Variants in KCNH5 observed in about 807,000 individuals in gnomAD.
KCNH5 encodes voltage-gated delayed rectifier potassium channel KCNH5.
In KCNH5, 46 loss-of-function variants were observed where a neutral mutation model predicts 96.1. That is an observed-to-expected ratio of 0.48 (90% CI 0.38 to 0.61). The LOEUF is 0.61. Among genes scored for constraint, KCNH5 ranks in the 20% least tolerant of loss-of-function variants. KCNH5 has a pLI of 0.00. For missense variants in KCNH5, 907 were observed against 1,225.8 expected, an observed-to-expected ratio of 0.74 and a Z score of 3.88; for synonymous variants, 439 against 449.8, an observed-to-expected ratio of 0.98 and a Z score of 0.30.
At chr14:62,966,420 A>G (rs1338854538) in intron 6 of KCNH5, among the ~76,000 whole-genome samples, 1 of 152,206 alleles carries the variant, frequency 6.6e-6, no homozygotes, top group South Asian at 2.1e-4. Flanking sequence ...AGTCTCCCCA[A>G]GAAGACAACT....
At chr14:62,900,615 C>A (rs1888905653) in intron 7 of KCNH5, among the ~76,000 whole-genome samples, 1 of 151,754 alleles carries the variant, frequency 6.6e-6, no homozygotes, top group Non-Finnish European at 1.5e-5. Context: ...TGGATATTTA[C>A]AGTAAAGAAA....
chr14:63,040,545 G>A (rs1252350492), intron 1 of KCNH5, among the ~76,000 whole-genome samples: 1 of 152,072 alleles, frequency 6.6e-6, no homozygotes, highest in Non-Finnish European at 1.5e-5. Flanking sequence ...GGTTTTATCA[G>A]TATTTCCTGA....
At chr14:62,992,783 G>T (rs1290140221) in intron 4 of KCNH5, among the ~76,000 whole-genome samples, 1 of 151,902 alleles carries the variant, frequency 6.6e-6, no homozygotes, top group Non-Finnish European at 1.5e-5. Context: ...CACTCTGTTG[G>T]TTCTTTCTTT....
chr14:62,846,065 G>C (rs1312830421), intron 8 of KCNH5, among the ~76,000 whole-genome samples: 1 of 152,170 alleles, frequency 6.6e-6, no homozygotes, highest in Non-Finnish European at 1.5e-5. Context: ...AATAATGCCA[G>C]TCACCAACCT....
At chr14:62,763,322 A>C (rs1345543664) in intron 10 of KCNH5, among the ~76,000 whole-genome samples, 2 of 152,158 alleles carry the variant, frequency 1.3e-5, no homozygotes, top group African/African-American at 4.8e-5. Context: ...TTAAGGCAAA[A>C]ATCAAGAAAT....
intron 7 of KCNH5, among the ~76,000 whole-genome samples, chr14:62,948,735 A>T (rs1192793691): frequency 1.3e-5 from 2 of 150,872 alleles, no homozygotes; most frequent in Non-Finnish European, 2.9e-5. Context: ...AATATCCTTG[A>T]TGAACATTGA....
intron 7 of KCNH5, among the ~76,000 whole-genome samples, chr14:62,921,162 C>CA (rs371128575): frequency 4.0e-5 from 6 of 150,290 alleles, no homozygotes; most frequent in African/African-American, 7.3e-5. Context: ...AGTTCAGAAA[C>CA]AAAAAAAAAG....
At chr14:62,871,844 G>A (rs1050420150) in intron 7 of KCNH5, among the ~76,000 whole-genome samples, 1 of 152,130 alleles carries the variant, frequency 6.6e-6, no homozygotes, top group Non-Finnish European at 1.5e-5. Flanking sequence ...TATCTCAGAA[G>A]AAGACTAATC....
chr14:62,970,425 C>T lies in KCNH5; in HGVS notation c.942+10447G>A, dbSNP rs1890385157. Among the ~76,000 whole-genome samples, 6 of 152,236 alleles carry T rather than the reference C, an allele frequency of 3.9e-5. No homozygotes were observed. The South Asian group carries it at 1.2e-3, about 32-fold the overall frequency. On this transcript the variant is annotated intron_variant, in intron 6 of 10. Transcript: ENST00000322893. The stretch of plus-strand genomic sequence containing the variant: ...TCAAACATTTAAGGAATAAATTATA[C>T]CAATTTCCTCCAATGTTTTCCAGAA...
At chr14:62,807,982 C>G (rs1031181248) in intron 8 of KCNH5, among the ~76,000 whole-genome samples, 1 of 152,132 alleles carries the variant, frequency 6.6e-6, no homozygotes, top group African/African-American at 2.4e-5. Context: ...GTCATGCCCC[C>G]TAGCTATGCT....
rs1331166809 is a variant in KCNH5, at chr14:62,700,771, T to C, written c.*6737A>G. 6.6e-6 allele frequency: 1 copy of C among 152,176 alleles called. No homozygotes were observed. Among genetic ancestry groups the C allele is most frequent in the East Asian group, 1.9e-4 (1 of 5,194 alleles). 9.4% of individuals were successfully genotyped at this position (152,176 alleles called of 1,614,324 possible). A position where few individuals can be genotyped will look rare whatever the true frequency, so the allele number is the denominator to read the frequency against. On this transcript the variant is annotated 3_prime_UTR_variant, in exon 11 of 11. Transcript: ENST00000322893. ...CAGTCTTGGCTTCATCAGGAATCTT[T>C]CCCGCTATAATTTGGTTGAAAAAGT...
At chr14:63,036,686 G>T (rs1891728164) in intron 1 of KCNH5, among the ~76,000 whole-genome samples, 1 of 152,068 alleles carries the variant, frequency 6.6e-6, no homozygotes, top group Admixed American at 6.6e-5. Flanking sequence ...TGAAAAGTAG[G>T]ATGGAGATGC....
chr14:62,847,357 G>T (rs932685446), intron 8 of KCNH5, among the ~76,000 whole-genome samples: 3 of 151,850 alleles, frequency 2.0e-5, no homozygotes, highest in African/African-American at 7.3e-5. Flanking sequence ...TGCAATACTA[G>T]AAATCCCTAC....
chr14:62,843,245 A>T (rs1011026349), intron 8 of KCNH5, among the ~76,000 whole-genome samples: 1 of 152,296 alleles, frequency 6.6e-6, no homozygotes, highest in East Asian at 1.9e-4. Flanking sequence ...TAAAATATCC[A>T]GCAGAAGTTG....
At chr14:62,937,782 T>C (rs923151145) in intron 7 of KCNH5, among the ~76,000 whole-genome samples, 2 of 152,014 alleles carry the variant, frequency 1.3e-5, no homozygotes, top group African/African-American at 4.8e-5. Flanking sequence ...AAGAGACAAA[T>C]AGATCCAGAT....
At chr14:62,809,033 ATTAAC>A (rs1465928007) in intron 8 of KCNH5, among the ~76,000 whole-genome samples, 1 of 152,132 alleles carries the variant, frequency 6.6e-6, no homozygotes, top group African/African-American at 2.4e-5. Flanking sequence ...AGTTAATTGA[ATTAAC>A]TTAACCAATA....
intron 7 of KCNH5, among the ~76,000 whole-genome samples, chr14:62,935,045 T>A (rs1266483986): frequency 6.6e-6 from 1 of 152,102 alleles, no homozygotes; most frequent in Non-Finnish European, 1.5e-5. Context: ...AGCACAGATG[T>A]GGCAGTCAAG....
chr14:62,845,358 A>C (rs1293701258), intron 8 of KCNH5, among the ~76,000 whole-genome samples: 1 of 152,176 alleles, frequency 6.6e-6, no homozygotes, highest in Non-Finnish European at 1.5e-5. Context: ...TTTTTCCTAC[A>C]CTTGTATTTT....
chr14:62,957,789 G>A (rs1204016866), intron 6 of KCNH5, among the ~76,000 whole-genome samples: 1 of 152,140 alleles, frequency 6.6e-6, no homozygotes, highest in Non-Finnish European at 1.5e-5. Context: ...ATGCATTTCA[G>A]CCATCCTAGA....
Sources: allele counts gnomAD v4.1 joint callset (sites outside exome capture counted in the v4.1 genomes callset), GRCh38; gene constraint gnomAD v4.1.1; transcripts MANE v1.5; gene names NCBI Gene and HGNC (gene_info 2026-07-23, HGNC 2026-07-21).